Variants in COL20A1 observed in about 807,000 individuals in gnomAD.
COL20A1 encodes collagen alpha-1(XX) chain.
Under a neutral mutation model 152.9 loss-of-function variants are expected in COL20A1, and 164 were observed. The observed-to-expected ratio is 1.07, with a 90% confidence interval of 0.94 to 1.22. COL20A1 has a LOEUF of 1.22. Among genes scored for constraint, COL20A1 ranks in the 50% most tolerant of loss-of-function variants. The probability of loss-of-function intolerance (pLI) is 0.00; values close to 1 mark genes in which losing one functional copy is unlikely to be tolerated. For synonymous variants in COL20A1, 864 were observed against 756.0 expected, an observed-to-expected ratio of 1.14 and a Z score of -2.34; for missense variants, 1,873 against 1,744.8, an observed-to-expected ratio of 1.07 and a Z score of -1.31.
intron 20 of COL20A1, 63 bp downstream of exon 20, chr20:63,315,502 G>A (rs1237364078): frequency 1.4e-6 from 2 of 1,423,476 alleles, no homozygotes; most frequent in Admixed American, 4.2e-5. Context: ...TCCTGGGCGT[G>A]GGGGCCAAGG....
chr20:63,320,158 G>T lies in COL20A1; in HGVS notation c.3036G>T (p.Arg1012Ser). 6.4e-7 allele frequency: 1 copy of T among 1,553,976 alleles called. No individual in the cohort carries two copies. The change falls in exon 24 of 36, where the codon AGG (arginine) becomes AGT (serine). Residue 1012 changes from arginine to serine, a missense_variant. Transcript: ENST00000358894. ...CTGCGGGCTTCGTCACGCTGGGGAG[G>T]CTGGCCAAGGCCAGGGGCCCCCGGA... The part of the protein sequence containing the change: ...PPAAGFVTLG[R>S]LAKARGPRSS...
chr20:63,316,822 G>T, intron 21 of COL20A1, 131 bp downstream of exon 21: 2 of 817,524 alleles, frequency 2.4e-6, no homozygotes, highest in Non-Finnish European at 3.5e-6. Context: ...GCGCTGCTAT[G>T]TCAGCAAACG....
intron 34 of COL20A1, among the ~76,000 whole-genome samples, chr20:63,328,781 A>T (rs1283897072): frequency 6.6e-6 from 1 of 152,228 alleles, no homozygotes; most frequent in Admixed American, 6.5e-5. Context: ...AGGGCCACAC[A>T]GGAGAGCCCA....
At chr20:63,303,079 T>A (rs2067879872) in intron 3 of COL20A1, among the ~76,000 whole-genome samples, 1 of 152,230 alleles carries the variant, frequency 6.6e-6, no homozygotes, top group African/African-American at 2.4e-5. Context: ...TATATTCTTT[T>A]ACCCTTCAAG....
chr20:63,304,423 G>C (rs1475778582), intron 3 of COL20A1, among the ~76,000 whole-genome samples: 4 of 131,930 alleles, frequency 3.0e-5, no homozygotes, highest in African/African-American at 8.7e-5. Context: ...CTCCCTCCAG[G>C]TGTGCAGGTG....
Position 63,311,439 on chromosome 20 carries a change from C to T in COL20A1, c.1439C>T (p.Pro480Leu), listed in dbSNP as rs1307632054. ...GCGCTGACCCTGGCCGCAGTGACGC[C>T]CAGAACCGTCCACCTCACCTGGCAG... is the stretch of plus-strand genomic sequence containing the variant. ...PRALTLAAVT[P>L]RTVHLTWQPS... The change falls in exon 12 of 36, where the codon CCC becomes CTC. Residue 480 changes from proline to leucine, a missense_variant. Coordinates refer to ENST00000358894, the MANE Select transcript of COL20A1 (RefSeq NM_020882.4). The surrounding 1 kb of genome is among the most constrained non-coding windows in gnomAD (Gnocchi z 4.4). 2 of 1,573,916 alleles carry T rather than the reference C, an allele frequency of 1.3e-6. No homozygotes were observed. Among genetic ancestry groups the T allele is most frequent in the East Asian group, 2.3e-5 (1 of 42,688 alleles).
intron 1 of COL20A1, 83 bp from the exon 2 acceptor site, chr20:63,295,015 G>T (rs2067768420): frequency 4.5e-6 from 4 of 881,962 alleles, no homozygotes; most frequent in Middle Eastern, 2.2e-4. Flanking sequence ...GGCCCTCGAG[G>T]ATTTGGAGAA....
At chr20:63,299,377 C>T (rs190659149) in intron 3 of COL20A1, among the ~76,000 whole-genome samples, 1 of 151,234 alleles carries the variant, frequency 6.6e-6, no homozygotes, top group Admixed American at 6.6e-5. Context: ...TTGCATGACA[C>T]CCTTGGCAAC....
chr20:63,297,084 CAT>C lies in COL20A1; in HGVS notation c.83-825_83-824del, dbSNP rs113823627. On this transcript the variant is annotated intron_variant, in intron 2 of 35. Coordinates refer to ENST00000358894, the MANE Select transcript of COL20A1 (RefSeq NM_020882.4). Reference sequence around the variant, plus strand: ...AGCCTCGTCTTGGCATGGACGCACACATGTACCAACGTGCACACACGTGCCAA... The same window carrying C: ...AGCCTCGTCTTGGCATGGACGCACACGTACCAACGTGCACACACGTGCCAA... Among the ~76,000 whole-genome samples, 363 of 152,356 alleles carry C rather than the reference CAT, an allele frequency of 2.4e-3. 1 individual carries two copies. Among genetic ancestry groups the C allele is most frequent in the African/African-American group, 8.4e-3 (351 of 41,586 alleles).
chr20:63,315,449 G>A lies in COL20A1; in HGVS notation c.2524+10G>A. On this transcript the variant is annotated intron_variant, in intron 20 of 35. Transcript: ENST00000358894. The stretch of plus-strand genomic sequence containing the variant: ...GACGGCTCCCTCCCAGGTGGGTCCT[G>A]CATGCCCTCCCCTGCCTGCCCACCC... The A allele has an allele frequency of 6.4e-7, 1 of 1,567,060 alleles. No individual in the cohort carries two copies. The highest frequency in any genetic ancestry group is 1.2e-5 in the South Asian group (1 of 85,456).
rs773499298 is a variant in COL20A1 at position 63,325,491 on chromosome 20, G to A, written c.3345G>A (p.Leu1115=). 2.5e-6 allele frequency: 4 copies of A among 1,612,638 alleles called. No individual in the cohort carries two copies. Among genetic ancestry groups the A allele is most frequent in the Admixed American group, 3.3e-5 (2 of 59,982 alleles). Reference sequence around the variant, plus strand: ...AGGGAGACCATGGGCTTCCAGGCTTGCAGGTAGTGTGGCTGGGGCCAGGGG... The same window carrying A: ...AGGGAGACCATGGGCTTCCAGGCTTACAGGTAGTGTGGCTGGGGCCAGGGG... ...GEKGDHGLPG[L]QGHPGHQGIP... The change falls in exon 28 of 36, where the codon TTG becomes TTA. Residue 1115 remains leucine, a synonymous_variant. Coordinates refer to ENST00000358894, the MANE Select transcript of COL20A1 (RefSeq NM_020882.4).
intron 32 of COL20A1, 29 bp downstream of exon 32, chr20:63,328,016 T>G (rs944196246): frequency 2.5e-6 from 4 of 1,612,126 alleles, no homozygotes; most frequent in Non-Finnish European, 3.4e-6. Flanking sequence ...TTTGGCTCAC[T>G]TGGGATCTCC....
chr20:63,326,688 G>A (rs2068254303), intron 30 of COL20A1, 64 bp from the exon 31 acceptor site: 2 of 1,182,202 alleles, frequency 1.7e-6, no homozygotes, highest in Non-Finnish European at 2.3e-6. Flanking sequence ...CTGGGAACCA[G>A]GGCTGAAGTG....
Position 63,319,994 on chromosome 20 carries a change from C to T in COL20A1, c.2917-45C>T. The T allele has an allele frequency of 6.5e-7, 1 of 1,542,038 alleles. No homozygotes were observed. The highest frequency in any genetic ancestry group is 8.7e-7 in the Non-Finnish European group (1 of 1,143,814). ...CTGGCCTTGGGGGCTCAGGTGGGCACCGGCCCCGCCTGGGCTGTGGAGAAC... is the reference window on the plus strand; with the variant it reads ...CTGGCCTTGGGGGCTCAGGTGGGCATCGGCCCCGCCTGGGCTGTGGAGAAC... On this transcript the variant is annotated intron_variant, in intron 23 of 35. Coordinates refer to ENST00000358894, the MANE Select transcript of COL20A1 (RefSeq NM_020882.4). This position sits in a 1 kb window ranked among gnomAD's most constrained non-coding sequence, Gnocchi z 4.4.
At chr20:63,295,328 C>A (rs2067773611) in intron 2 of COL20A1, 139 bp downstream of exon 2, 1 of 622,382 alleles carries the variant, frequency 1.6e-6, no homozygotes. Flanking sequence ...GCAGCTCCCA[C>A]AACAAAGGCA....
At chr20:63,329,950 G>A (rs1033515087) in intron 35 of COL20A1, among the ~76,000 whole-genome samples, 3 of 152,200 alleles carry the variant, frequency 2.0e-5, no homozygotes, top group Non-Finnish European at 2.9e-5. Context: ...CACCTCGTGG[G>A]ATGCAGAGTT....
intron 3 of COL20A1, among the ~76,000 whole-genome samples, chr20:63,299,031 C>T (rs568998079): frequency 2.6e-5 from 4 of 152,332 alleles, no homozygotes; most frequent in East Asian, 1.9e-4. Context: ...CACACCATGG[C>T]GACTCCCTCA....
intron 3 of COL20A1, among the ~76,000 whole-genome samples, chr20:63,299,783 G>C (rs893462797): frequency 6.6e-6 from 1 of 151,788 alleles, no homozygotes; most frequent in African/African-American, 2.4e-5. Context: ...GTAAACTACA[G>C]TGATTGATTT....
intron 27 of COL20A1, 97 bp from the exon 28 acceptor site, chr20:63,325,344 C>A: frequency 1.1e-6 from 1 of 929,952 alleles, no homozygotes; most frequent in Non-Finnish European, 1.8e-6. Context: ...GACCCAGGGC[C>A]GTGCAGTCCA....
Sources: allele counts gnomAD v4.1 joint callset (sites outside exome capture counted in the v4.1 genomes callset), GRCh38; gene constraint gnomAD v4.1.1; non-coding constraint Gnocchi (gnomAD v3.1); transcripts MANE v1.5; gene names NCBI Gene and HGNC (gene_info 2026-07-23, HGNC 2026-07-21).